Variants in DTD1 observed in about 807,000 individuals in gnomAD.
DTD1 encodes D-aminoacyl-tRNA deacylase 1.
DTD1 carries 13 observed loss-of-function variants against 25.6 expected under a neutral mutation model. That is an observed-to-expected ratio of 0.51 (90% confidence interval 0.33 to 0.81). The LOEUF (loss-of-function observed/expected upper bound fraction) is 0.81, where lower values mean the gene tolerates loss of function less well. DTD1 is among the 30% of genes least tolerant of loss of function. The pLI, the probability that DTD1 is intolerant of heterozygous loss-of-function variation, is 0.02. For synonymous variants in DTD1, 110 were observed against 103.6 expected (o/e 1.06, Z -0.37); for missense variants, 193 against 266.4 (o/e 0.72, Z 1.92).
At chr20:18,645,121 G>T (rs1377307022) in intron 4 of DTD1, among the ~76,000 whole-genome samples, 1 of 152,222 alleles carries the variant, frequency 6.6e-6, no homozygotes, top group East Asian at 1.9e-4. Context: ...CTGGACTCCA[G>T]CTTGGGCAAC....
intron 3 of DTD1, among the ~76,000 whole-genome samples, chr20:18,600,128 A>G (rs1362491512): frequency 6.6e-6 from 1 of 152,180 alleles, no homozygotes. Context: ...TAGCTTATCA[A>G]TTCTTATTTT....
chr20:18,746,853 C>T (rs763012867), intron 5 of DTD1, among the ~76,000 whole-genome samples: 1 of 152,098 alleles, frequency 6.6e-6, no homozygotes, highest in Non-Finnish European at 1.5e-5. Context: ...GACAGTGAGT[C>T]CTGTTGTCCT....
At chr20:18,660,597 C>CA (rs927787909) in intron 4 of DTD1, among the ~76,000 whole-genome samples, 36 of 151,688 alleles carry the variant, frequency 2.4e-4, no homozygotes, top group African/African-American at 6.8e-4. Context: ...CTTTTTATTA[C>CA]AAAAAAAATT....
chr20:18,640,216 GC>G (rs1197816810), intron 4 of DTD1, among the ~76,000 whole-genome samples: 2 of 151,770 alleles, frequency 1.3e-5, no homozygotes, highest in Non-Finnish European at 1.5e-5. Flanking sequence ...TTAATAGTAA[GC>G]TTTTATAGTA....
chr20:18,649,329 T>TC lies in DTD1; in HGVS notation c.477+21096_477+21097insC, dbSNP rs1319692097. ...GCTTTCTCAGCCATTCATCTTTCTT[T>TC]TTTTTTTTTTTTTTTTTTTTTTTTT... On this transcript the variant is annotated intron_variant, in intron 4 of 5. Coordinates refer to ENST00000377452, the MANE Select transcript of DTD1 (RefSeq NM_080820.6). Among the ~76,000 whole-genome samples, 78 of 87,764 alleles carry TC rather than the reference T, an allele frequency of 8.9e-4. 1 individual carries two copies. Among genetic ancestry groups the TC allele is most frequent in the African/African-American group, 2.9e-3 (73 of 24,792 alleles). 57.6% of individuals were successfully genotyped at this position (87,764 alleles called of 152,430 possible). A position where few individuals can be genotyped will look rare whatever the true frequency, so the allele number is the denominator to read the frequency against.
At chr20:18,734,221 T>C (rs2060288839) in intron 4 of DTD1, among the ~76,000 whole-genome samples, 1 of 152,192 alleles carries the variant, frequency 6.6e-6, no homozygotes, top group Non-Finnish European at 1.5e-5. Context: ...GCCTCCTCCT[T>C]CTTTCCCCGT....
At chr20:18,618,114 T>C (rs984518587) in intron 3 of DTD1, among the ~76,000 whole-genome samples, 2 of 152,228 alleles carry the variant, frequency 1.3e-5, no homozygotes, top group Admixed American at 6.5e-5. Flanking sequence ...AGAAATGGGA[T>C]AGACGGTGCC....
intron 5 of DTD1, among the ~76,000 whole-genome samples, chr20:18,761,939 T>A (rs541031099): frequency 1.3e-3 from 202 of 152,326 alleles, no homozygotes; most frequent in South Asian, 2.7e-3. Context: ...CTGGTTGTCT[T>A]TTAGAAAACT....
chr20:18,679,707 A>G (rs2060989376), intron 4 of DTD1, among the ~76,000 whole-genome samples: 1 of 152,194 alleles, frequency 6.6e-6, no homozygotes. Context: ...AAGTAACCAA[A>G]TTCTGTTCTA....
intron 4 of DTD1, among the ~76,000 whole-genome samples, chr20:18,705,635 GGCAGA>G (rs561123461): frequency 1.1e-3 from 164 of 152,236 alleles, no homozygotes; most frequent in African/African-American, 3.7e-3. Flanking sequence ...TGAGCTCAGA[GGCAGA>G]GGCCTCAGTG....
intron 4 of DTD1, among the ~76,000 whole-genome samples, chr20:18,734,137 G>A (rs1391299960): frequency 1.3e-5 from 2 of 152,176 alleles, no homozygotes; most frequent in Admixed American, 1.3e-4. Context: ...TATAGATCTT[G>A]TAAAATGCCA....
At chr20:18,647,260 T>C (rs1039332282) in intron 4 of DTD1, among the ~76,000 whole-genome samples, 2 of 152,204 alleles carry the variant, frequency 1.3e-5, no homozygotes, top group Non-Finnish European at 2.9e-5. Flanking sequence ...TAAATAAATA[T>C]TTATTAACTA....
At chr20:18,707,014 T>C (rs1337066364) in intron 4 of DTD1, among the ~76,000 whole-genome samples, 5 of 152,230 alleles carry the variant, frequency 3.3e-5, no homozygotes, top group Non-Finnish European at 7.3e-5. Context: ...AGCCTCGGCC[T>C]GAGCAGTGGT....
chr20:18,589,206 C>T (rs2060579026), intron 1 of DTD1, among the ~76,000 whole-genome samples: 1 of 151,710 alleles, frequency 6.6e-6, no homozygotes, highest in African/African-American at 2.4e-5. Context: ...CAAAAATTAG[C>T]CGGGAGCGGT....
chr20:18,591,922 A>G (rs2060591140), intron 1 of DTD1, among the ~76,000 whole-genome samples: 4 of 152,340 alleles, frequency 2.6e-5, no homozygotes, highest in South Asian at 2.1e-4. Flanking sequence ...CACATAGTTC[A>G]TTATAAGAAA....
chr20:18,683,844 T>C (rs1054209200), intron 4 of DTD1, among the ~76,000 whole-genome samples: 7 of 152,210 alleles, frequency 4.6e-5, no homozygotes, highest in African/African-American at 1.7e-4. Context: ...GGACAGGCAA[T>C]GGCAGCAGGT....
At chr20:18,711,063 CAGT>C (rs1456829347) in intron 4 of DTD1, among the ~76,000 whole-genome samples, 5 of 152,154 alleles carry the variant, frequency 3.3e-5, no homozygotes, top group Non-Finnish European at 7.4e-5. Context: ...GAGCAGTGCT[CAGT>C]AGGACTAATT....
chr20:18,639,710 CT>C (rs2060821139), intron 4 of DTD1, among the ~76,000 whole-genome samples: 1 of 152,176 alleles, frequency 6.6e-6, no homozygotes, highest in African/African-American at 2.4e-5. Flanking sequence ...ATTCGTTTGA[CT>C]ATTTTCCATA....
intron 5 of DTD1, among the ~76,000 whole-genome samples, chr20:18,751,302 A>G (rs2061320701): frequency 6.6e-6 from 1 of 152,066 alleles, no homozygotes; most frequent in African/African-American, 2.4e-5. Context: ...CAATTTTTTT[A>G]GTGGTTGCCC....
Sources: gnomAD v4.1 joint callset for allele counts (sites outside exome capture counted in the v4.1 genomes callset) on GRCh38, gnomAD v4.1.1 for gene constraint, MANE v1.5 for transcripts, NCBI Gene and HGNC (gene_info 2026-07-23, HGNC 2026-07-21) for gene names.